Variants in ITPR2 observed in about 807,000 individuals in gnomAD.
ITPR2 encodes inositol 1,4,5-trisphosphate-gated calcium channel ITPR2.
ITPR2 carries 207 observed loss-of-function variants against 317.1 expected under a neutral mutation model. That is an observed-to-expected ratio of 0.65 (90% confidence interval 0.58 to 0.73). ITPR2 has a LOEUF of 0.73. ITPR2 is among the 30% of genes least tolerant of loss of function. The pLI is 0.00. For missense variants in ITPR2, 2,613 were observed against 3,284.0 expected, an observed-to-expected ratio of 0.80 and a Z score of 4.99; for synonymous variants, 1,156 against 1,149.1, an observed-to-expected ratio of 1.01 and a Z score of -0.12.
intron 21 of ITPR2, among the ~76,000 whole-genome samples, chr12:26,648,597 A>AATGC (rs2136882099): frequency 7.2e-6 from 1 of 138,774 alleles, no homozygotes. Flanking sequence ...TTACAGTATG[A>AATGC]GAGGAGTCCA....
At chr12:26,516,624 AT>A (rs1323312980) in intron 37 of ITPR2, among the ~76,000 whole-genome samples, 2 of 152,180 alleles carry the variant, frequency 1.3e-5, no homozygotes, top group Non-Finnish European at 2.9e-5. Flanking sequence ...TTATAAAAAA[AT>A]TTTTATATGC....
At chr12:26,384,705 C>T (rs1002469772) in intron 55 of ITPR2, among the ~76,000 whole-genome samples, 2 of 152,196 alleles carry the variant, frequency 1.3e-5, no homozygotes, top group Non-Finnish European at 2.9e-5. Flanking sequence ...AATCCAAAGG[C>T]TTTGACCTGT....
At position 26,718,186 on chromosome 12, in the gene ITPR2, C is replaced by T. The variant is rs538132924; in HGVS notation, c.526-1944G>A. ...CTTACTGCACCTATTGACCCGTCCT[C>T]TAAGTTCCCTCCCCTCACCCCCCAC... On this transcript the variant is annotated intron_variant, in intron 5 of 56. Coordinates refer to ENST00000381340, the MANE Select transcript of ITPR2 (RefSeq NM_002223.4). Among the ~76,000 whole-genome samples, 187 of 152,262 alleles carry T rather than the reference C, an allele frequency of 1.2e-3. 3 individuals are homozygous for T. Among genetic ancestry groups the T allele is most frequent in the Non-Finnish European group, 3.2e-4 (22 of 68,016 alleles).
chr12:26,708,871 C>T (rs572692882), intron 9 of ITPR2, among the ~76,000 whole-genome samples: 1 of 152,236 alleles, frequency 6.6e-6, no homozygotes, highest in Admixed American at 6.5e-5. Flanking sequence ...ACACGTGCCC[C>T]ATAAGTGTAT....
At chr12:26,639,508 T>G (rs1419006653) in intron 21 of ITPR2, among the ~76,000 whole-genome samples, 1 of 151,870 alleles carries the variant, frequency 6.6e-6, no homozygotes, top group Non-Finnish European at 1.5e-5. Flanking sequence ...TTAGGGTACA[T>G]GTGCACAACG....
chr12:26,688,871 T>C (rs550928758), intron 10 of ITPR2, among the ~76,000 whole-genome samples: 7 of 152,248 alleles, frequency 4.6e-5, no homozygotes, highest in African/African-American at 1.7e-4. Flanking sequence ...AGACAAAATA[T>C]ATGAGGGGGA....
Position 26,483,762 on chromosome 12 carries a change from G to T in ITPR2, c.5948C>A (p.Ala1983Glu). 6.2e-7 allele frequency: 1 copy of T among 1,614,076 alleles called. No homozygotes were observed. The highest frequency in any genetic ancestry group is 8.5e-7 in the Non-Finnish European group (1 of 1,179,960). ...LGLYINEKNV[A>E]LVNQNLESLT... ...GCTCTCCAGGTTCTGGTTGACCAGC[G>T]CTACATTCTTCTCATTGATGTAGAG... The change falls in exon 42 of 57, where the codon GCG becomes GAG. Residue 1983 changes from alanine (A) to glutamate (E), a missense_variant. Physicochemically the swap from Ala to Glu is moderately radical, Grantham distance 107 (BLOSUM62 -1). This residue lies in a region of ITPR2 where 926 missense variants were observed against 1,072.8 expected (regional missense o/e 0.86). Transcript: ENST00000381340.
chr12:26,601,903 C>T (rs1946007460), intron 28 of ITPR2, among the ~76,000 whole-genome samples: 1 of 152,178 alleles, frequency 6.6e-6, no homozygotes, highest in Non-Finnish European at 1.5e-5. Context: ...GGTTATGTCC[C>T]TGCCAAAGAT....
rs193016479 is a variant in ITPR2 at position 26,439,031 on chromosome 12, A to T, written c.6643+96T>A. 667 of 787,936 alleles carry T rather than the reference A, an allele frequency of 8.5e-4. 2 individuals carry two copies. In the African/African-American group the frequency reaches 0.01, roughly 12 times the overall value. The allele number at this position is 787,936 out of a possible 1,614,324, so 48.8% of individuals were successfully genotyped here. ...AGTAATATCAGACCAGCAAGAAATT[A>T]AAAAAACAATTTAAATGAGCTGCAT... On this transcript the variant is annotated intron_variant, in intron 47 of 56. Transcript: ENST00000381340.
chr12:26,409,524 G>GT (rs1940471485), intron 52 of ITPR2, among the ~76,000 whole-genome samples: 2 of 151,494 alleles, frequency 1.3e-5, no homozygotes, highest in South Asian at 4.2e-4. Context: ...TAGAACAGAG[G>GT]TTGGCAAAAA....
intron 46 of ITPR2, 124 bp from the exon 47 acceptor site, chr12:26,439,443 T>C (rs1941435252): frequency 1.5e-6 from 1 of 647,394 alleles, no homozygotes; most frequent in Non-Finnish European, 2.5e-6. Flanking sequence ...ATGTGCCAAC[T>C]TGAAGTATCT....
chr12:26,559,313 A>C (rs997157707), intron 35 of ITPR2, among the ~76,000 whole-genome samples: 1 of 152,252 alleles, frequency 6.6e-6, no homozygotes, highest in East Asian at 1.9e-4. Flanking sequence ...TCAGGCTGCT[A>C]TAACAAAATA....
intron 2 of ITPR2, among the ~76,000 whole-genome samples, chr12:26,740,675 A>G (rs1160390912): frequency 2.0e-5 from 3 of 152,216 alleles, no homozygotes. Flanking sequence ...GGAGGAGGAA[A>G]AAAGATTTTC....
chr12:26,582,319 G>C (rs1945423800), intron 32 of ITPR2, among the ~76,000 whole-genome samples: 1 of 151,936 alleles, frequency 6.6e-6, no homozygotes, highest in African/African-American at 2.4e-5. Context: ...CTTTACAATA[G>C]ATTGGCCATG....
At chr12:26,488,440 C>CT (rs528424842) in intron 39 of ITPR2, among the ~76,000 whole-genome samples, 282 of 152,210 alleles carry the variant, frequency 1.9e-3, no homozygotes, top group African/African-American at 6.6e-3. Context: ...AACTGAGACT[C>CT]TAATGACATC....
At chr12:26,512,848 A>G (rs1316706007) in intron 37 of ITPR2, among the ~76,000 whole-genome samples, 8 of 145,188 alleles carry the variant, frequency 5.5e-5, no homozygotes, top group African/African-American at 2.0e-4. Flanking sequence ...TTTGAGACAG[A>G]GTTTTGCTCC....
chr12:26,639,467 ATTC>A (rs1422431722), intron 21 of ITPR2, among the ~76,000 whole-genome samples: 1 of 151,806 alleles, frequency 6.6e-6, no homozygotes, highest in Non-Finnish European at 1.5e-5. Context: ...CTATGCCAGC[ATTC>A]TTTTTTTTTT....
intron 21 of ITPR2, among the ~76,000 whole-genome samples, chr12:26,642,906 T>C (rs1284948768): frequency 6.6e-6 from 1 of 152,136 alleles, no homozygotes; most frequent in East Asian, 1.9e-4. Context: ...GCTGGAGTGC[T>C]ACTCAGAAGA....
intron 10 of ITPR2, among the ~76,000 whole-genome samples, chr12:26,692,177 G>C (rs1002233357): frequency 6.6e-5 from 10 of 152,110 alleles, no homozygotes; most frequent in Non-Finnish European, 1.5e-4. Flanking sequence ...AAGTTCCCTG[G>C]TTCCTGGAAC....
Sources: gnomAD v4.1 joint callset for allele counts (sites outside exome capture counted in the v4.1 genomes callset) on GRCh38, gnomAD v4.1.1 for gene constraint, gnomAD v4.1.1 regional missense constraint, MANE v1.5 for transcripts, NCBI Gene and HGNC (gene_info 2026-07-23, HGNC 2026-07-21) for gene names.